The following GALNT14 variants were observed in gnomAD, a reference collection of about 807,000 sequenced individuals.
The protein encoded by GALNT14 is polypeptide N-acetylgalactosaminyltransferase 14.
GALNT14 carries 60 observed loss-of-function variants against 77.5 expected under a neutral mutation model. The ratio of observed to expected loss-of-function variants is 0.77; its 90% CI spans 0.63 to 0.96. The LOEUF is 0.96. Among genes scored for constraint, GALNT14 ranks in the 40% least tolerant of loss-of-function variants. The pLI, the probability that GALNT14 is intolerant of heterozygous loss-of-function variation, is 0.00. For synonymous variants in GALNT14, 280 were observed against 281.7 expected (o/e 0.99, Z 0.06); for missense variants, 710 against 731.0 (o/e 0.97, Z 0.33).
At chr2:31,030,533 A>G (rs997203725) in intron 1 of GALNT14, among the ~76,000 whole-genome samples, 2 of 152,196 alleles carry the variant, frequency 1.3e-5, no homozygotes, top group African/African-American at 4.8e-5. Flanking sequence ...GGTCTCAGCT[A>G]CATAAAGCAA....
In GALNT14 at chr2:31,072,282, T is replaced by C. The variant is rs7609386; in HGVS notation, c.129+65676A>G. 8.4e-3 allele frequency among the ~76,000 whole-genome samples: 314 copies of C among 37,588 alleles called. 2 individuals carry two copies. The highest frequency in any genetic ancestry group is 0.053 in the East Asian group (95 of 1,798). 24.7% of individuals were successfully genotyped at this position (37,588 alleles called of 152,430 possible). On this transcript the variant is annotated intron_variant, in intron 1 of 14. Transcript: ENST00000349752. ...TCTCTCTCACACACACACACACACA[T>C]ACACACACACACACACACACATACA... is the stretch of plus-strand genomic sequence containing the variant.
At chr2:30,985,400 A>G (rs187964707) in intron 2 of GALNT14, among the ~76,000 whole-genome samples, 178 of 152,242 alleles carry the variant, frequency 1.2e-3, no homozygotes, top group African/African-American at 4.1e-3. Context: ...AAATCAGGAG[A>G]TCAAGACTGG....
intron 14 of GALNT14, among the ~76,000 whole-genome samples, chr2:30,911,962 TAGA>T (rs1421686416): frequency 2.0e-5 from 3 of 152,244 alleles, no homozygotes; most frequent in South Asian, 2.1e-4. Flanking sequence ...GACAGGAAAG[TAGA>T]AGATGACTGG....
intron 2 of GALNT14, among the ~76,000 whole-genome samples, chr2:30,986,514 C>T (rs1420552497): frequency 3.9e-5 from 6 of 152,060 alleles, no homozygotes; most frequent in Non-Finnish European, 7.4e-5. Flanking sequence ...TGGGATGACT[C>T]GAAAATGAGG....
At chr2:31,041,100 C>T (rs1673066629) in intron 1 of GALNT14, among the ~76,000 whole-genome samples, 1 of 152,096 alleles carries the variant, frequency 6.6e-6, no homozygotes, top group Non-Finnish European at 1.5e-5. Context: ...TTCAGTGCAG[C>T]ACGTGTCAAT....
chr2:31,014,446 T>C (rs188469442), intron 1 of GALNT14, among the ~76,000 whole-genome samples: 2 of 152,108 alleles, frequency 1.3e-5, no homozygotes, highest in East Asian at 3.9e-4. Flanking sequence ...AGCAAACTCT[T>C]TTCCCCAGGA....
intron 1 of GALNT14, among the ~76,000 whole-genome samples, chr2:31,048,261 A>G (rs1403903966): frequency 6.6e-6 from 1 of 152,224 alleles, no homozygotes; most frequent in East Asian, 1.9e-4. Flanking sequence ...GGAAGCCCAT[A>G]GTGGCCTTTT....
intron 1 of GALNT14, among the ~76,000 whole-genome samples, chr2:31,007,133 A>G (rs556074323): frequency 6.6e-6 from 1 of 152,268 alleles, no homozygotes; most frequent in East Asian, 1.9e-4. Flanking sequence ...TCAAAAGCAG[A>G]CCCCGAGTAT....
chr2:31,005,611 A>G (rs1295915850), intron 1 of GALNT14, among the ~76,000 whole-genome samples: 1 of 152,222 alleles, frequency 6.6e-6, no homozygotes, highest in Non-Finnish European at 1.5e-5. Context: ...AACGCAATTT[A>G]CAGTCAGTCA....
At chr2:31,020,629 T>TCC (rs1671658886) in intron 1 of GALNT14, among the ~76,000 whole-genome samples, 3 of 152,178 alleles carry the variant, frequency 2.0e-5, no homozygotes, top group Non-Finnish European at 4.4e-5. Context: ...GGGAATGGCC[T>TCC]CCCCAAGCCC....
At chr2:31,043,494 G>A (rs182198762) in intron 1 of GALNT14, among the ~76,000 whole-genome samples, 127 of 152,274 alleles carry the variant, frequency 8.3e-4, no homozygotes, top group Admixed American at 4.9e-3. Flanking sequence ...ACAAACAAGA[G>A]GGGAAAATCC....
chr2:30,988,815 G>A (rs1328426457), intron 2 of GALNT14, among the ~76,000 whole-genome samples: 1 of 152,170 alleles, frequency 6.6e-6, no homozygotes, highest in Non-Finnish European at 1.5e-5. Context: ...CAGTAGTTCT[G>A]GGTGAAACCT....
intron 1 of GALNT14, among the ~76,000 whole-genome samples, chr2:31,003,534 C>A (rs1451830775): frequency 1.3e-5 from 2 of 152,112 alleles, no homozygotes; most frequent in Non-Finnish European, 2.9e-5. Context: ...GTGTGGGAGT[C>A]TTTTTCCATT....
At chr2:31,067,244 C>T (rs1675033672) in intron 1 of GALNT14, among the ~76,000 whole-genome samples, 1 of 152,156 alleles carries the variant, frequency 6.6e-6, no homozygotes, top group Non-Finnish European at 1.5e-5. Context: ...CTCTGTGCTG[C>T]AGAGAGGAAT....
chr2:31,114,397 C>T (rs1677995091), intron 1 of GALNT14, among the ~76,000 whole-genome samples: 1 of 151,938 alleles, frequency 6.6e-6, no homozygotes, highest in Non-Finnish European at 1.5e-5. Flanking sequence ...GCAACTCAAA[C>T]AAAAAATAAT....
At chr2:30,958,246 G>T (rs914949130) in intron 4 of GALNT14, 151 bp downstream of exon 4, 32 of 582,400 alleles carry the variant, frequency 5.5e-5, no homozygotes, top group Non-Finnish European at 9.8e-5. Context: ...CTCCTTCTGA[G>T]CCTAGCCACG....
the GALNT14 span, among the ~76,000 whole-genome samples, chr2:30,888,947 G>GT: frequency 2.0e-5 from 3 of 150,534 alleles, no homozygotes; most frequent in Non-Finnish European, 3.0e-5. Context: ...CTACTGTTGA[G>GT]TTCTGGGTGA....
chr2:30,977,518 CATG>C (rs1274613793), intron 2 of GALNT14, among the ~76,000 whole-genome samples: 10 of 152,204 alleles, frequency 6.6e-5, no homozygotes, highest in Non-Finnish European at 1.3e-4. Context: ...AGAGCTATTT[CATG>C]ATATTTTTCA....
intron 13 of GALNT14, among the ~76,000 whole-genome samples, chr2:30,918,241 A>C (rs753571202): frequency 2.0e-5 from 3 of 152,148 alleles, no homozygotes; most frequent in Middle Eastern, 3.2e-3. Context: ...CACTCAGTAC[A>C]TCTTCGCTGG....
Sources: gnomAD v4.1 joint callset for allele counts (sites outside exome capture counted in the v4.1 genomes callset) on GRCh38, gnomAD v4.1.1 for gene constraint, MANE v1.5 for transcripts, NCBI Gene and HGNC (gene_info 2026-07-23, HGNC 2026-07-21) for gene names.